CNTN5: variants seen among roughly 807,000 people sequenced by gnomAD.
CNTN5 encodes the protein contactin 5, also known as contactin-5.
A neutral mutation model predicts 129.1 loss-of-function variants in CNTN5; 77 were observed. The observed-to-expected ratio is 0.60, with a 90% CI of 0.50 to 0.72. The LOEUF is 0.72. CNTN5 is among the 30% of genes least tolerant of loss of function. The pLI is 0.00. For missense variants in CNTN5, 1,478 were observed against 1,328.8 expected, an observed-to-expected ratio of 1.11 and a Z score of -1.75; for synonymous variants, 509 against 465.6, an observed-to-expected ratio of 1.09 and a Z score of -1.20.
At chr11:99,920,213 T>C (rs144335862) in intron 7 of CNTN5, among the ~76,000 whole-genome samples, 1 of 152,226 alleles carries the variant, frequency 6.6e-6, no homozygotes, top group East Asian at 1.9e-4. Context: ...GCTTAAAAGA[T>C]TCCTCACTCT....
At chr11:99,477,967 T>C (rs1026330711) in intron 2 of CNTN5, among the ~76,000 whole-genome samples, 1 of 152,046 alleles carries the variant, frequency 6.6e-6, no homozygotes, top group African/African-American at 2.4e-5. Flanking sequence ...AGAGACACAT[T>C]GCAGAGGTTT....
At chr11:100,024,704 C>T (rs149489174) in intron 9 of CNTN5, among the ~76,000 whole-genome samples, 2,133 of 152,288 alleles carry the variant, frequency 0.014, 13 homozygotes, top group Non-Finnish European at 0.022. Flanking sequence ...AGCAAAGAGA[C>T]TAGTGGCATT....
chr11:99,652,758 AATC>A (rs1399962240), intron 3 of CNTN5, among the ~76,000 whole-genome samples: 7 of 152,082 alleles, frequency 4.6e-5, no homozygotes, highest in African/African-American at 9.7e-5. Context: ...ACTATTATAT[AATC>A]ATTATTTTGT....
intron 3 of CNTN5, among the ~76,000 whole-genome samples, chr11:99,776,498 A>G (rs933871663): frequency 2.6e-5 from 4 of 151,826 alleles, no homozygotes; most frequent in South Asian, 2.1e-4. Context: ...AATGACTTAC[A>G]TAACTCATAC....
At chr11:99,351,151 A>G (rs1938272239) in intron 2 of CNTN5, among the ~76,000 whole-genome samples, 1 of 152,198 alleles carries the variant, frequency 6.6e-6, no homozygotes, top group Non-Finnish European at 1.5e-5. Context: ...CATGTAACCC[A>G]GAACTTAAAG....
In CNTN5 at chr11:99,217,526, G is replaced by A. The variant is rs1860192011; in HGVS notation, c.-209-107820G>A. 2.0e-5 allele frequency among the ~76,000 whole-genome samples: 3 copies of A among 152,146 alleles called. No homozygotes were observed. The South Asian group carries it at 6.2e-4, about 32-fold the overall frequency. ...CACTATACAGAACAATATGGATAATGCATTTTTCTTTATGCTCGCAGGTGA... is the reference window on the plus strand; with the variant it reads ...CACTATACAGAACAATATGGATAATACATTTTTCTTTATGCTCGCAGGTGA... On this transcript the variant is annotated intron_variant, in intron 1 of 24. Transcript: ENST00000524871.
intron 3 of CNTN5, among the ~76,000 whole-genome samples, chr11:99,592,928 T>C (rs1455229394): frequency 6.6e-6 from 1 of 152,100 alleles, no homozygotes; most frequent in Non-Finnish European, 1.5e-5. Flanking sequence ...ATGTTAAAAT[T>C]AGAAGCAAAA....
chr11:99,310,539 G>A (rs1030323687), intron 1 of CNTN5, among the ~76,000 whole-genome samples: 5 of 151,750 alleles, frequency 3.3e-5, no homozygotes, highest in African/African-American at 1.2e-4. Flanking sequence ...TTGTTTTTAG[G>A]CACATTATTA....
At chr11:99,914,160 C>T (rs1949730575) in intron 6 of CNTN5, among the ~76,000 whole-genome samples, 1 of 152,006 alleles carries the variant, frequency 6.6e-6, no homozygotes, top group Non-Finnish European at 1.5e-5. Context: ...TTTCTTGACC[C>T]CAGGATTTAC....
intron 16 of CNTN5, among the ~76,000 whole-genome samples, chr11:100,232,855 T>C (rs997564751): frequency 3.3e-5 from 5 of 152,278 alleles, no homozygotes; most frequent in Middle Eastern, 6.8e-3. Context: ...ATAATAAACA[T>C]AGCTAACATT....
intron 3 of CNTN5, among the ~76,000 whole-genome samples, chr11:99,723,784 A>G (rs1323077775): frequency 1.4e-5 from 2 of 143,480 alleles, no homozygotes; most frequent in African/African-American, 2.5e-5. Context: ...ATGCGTGTGC[A>G]TGCGCACGCG....
intron 21 of CNTN5, among the ~76,000 whole-genome samples, chr11:100,320,572 GT>G (rs1951670393): frequency 6.6e-6 from 1 of 151,590 alleles, no homozygotes; most frequent in Non-Finnish European, 1.5e-5. Flanking sequence ...TTTTTTGTTT[GT>G]TTGTTTTTGC....
chr11:99,820,246 T>G (rs1387018804), intron 4 of CNTN5, among the ~76,000 whole-genome samples: 8 of 152,372 alleles, frequency 5.3e-5, no homozygotes, highest in African/African-American at 1.4e-4. Context: ...CTAAATACTC[T>G]CGTAGAATGA....
At chr11:99,469,925 T>G (rs558490374) in intron 2 of CNTN5, among the ~76,000 whole-genome samples, 15 of 152,300 alleles carry the variant, frequency 9.8e-5, no homozygotes, top group African/African-American at 3.6e-4. Flanking sequence ...TCATAAGAAC[T>G]ACAATTTAAT....
chr11:99,948,855 C>G (rs925861093), intron 7 of CNTN5, among the ~76,000 whole-genome samples: 12 of 152,240 alleles, frequency 7.9e-5, no homozygotes, highest in Non-Finnish European at 1.3e-4. Context: ...GCTGCTTCCT[C>G]TTCTCCAGAA....
chr11:99,389,904 A>G (rs1487067903), intron 2 of CNTN5, among the ~76,000 whole-genome samples: 1 of 152,210 alleles, frequency 6.6e-6, no homozygotes, highest in Non-Finnish European at 1.5e-5. Context: ...CGAATGTGAA[A>G]GTGTGATTAC....
intron 2 of CNTN5, among the ~76,000 whole-genome samples, chr11:99,521,183 T>C (rs2135438892): frequency 6.6e-6 from 1 of 152,170 alleles, no homozygotes; most frequent in South Asian, 2.1e-4. Flanking sequence ...TCAACTATAT[T>C]AGTTAAATTT....
chr11:99,294,568 T>G (rs1335243730), intron 1 of CNTN5, among the ~76,000 whole-genome samples: 1 of 152,322 alleles, frequency 6.6e-6, no homozygotes, highest in Non-Finnish European at 1.5e-5. Flanking sequence ...TTGGATGAAG[T>G]AATATTGTTA....
chr11:99,743,112 A>G (rs1267274504), intron 3 of CNTN5, among the ~76,000 whole-genome samples: 1 of 152,194 alleles, frequency 6.6e-6, no homozygotes, highest in African/African-American at 2.4e-5. Flanking sequence ...ATTTAACAGT[A>G]TGATAAGGAA....
Sources: gnomAD v4.1 joint callset for allele counts (sites outside exome capture counted in the v4.1 genomes callset) on GRCh38, gnomAD v4.1.1 for gene constraint, MANE v1.5 for transcripts, NCBI Gene and HGNC (gene_info 2026-07-23, HGNC 2026-07-21) for gene names.